ITGA4: variants seen among roughly 807,000 people sequenced by gnomAD.
ITGA4 encodes the protein integrin alpha-4.
ITGA4 carries 63 observed loss-of-function variants against 133.6 expected under a neutral mutation model. The ratio of observed to expected loss-of-function variants is 0.47; its 90% CI spans 0.38 to 0.58. The LOEUF is 0.58. Ranked by LOEUF, ITGA4 falls within the 20% of genes least tolerant of loss-of-function variation. ITGA4 has a pLI of 0.00. For synonymous variants in ITGA4, 483 were observed against 438.0 expected (o/e 1.10, Z -1.28); for missense variants, 1,076 against 1,252.7 (o/e 0.86, Z 2.13).
At chr2:181,493,078 G>A (rs1189326634) in intron 10 of ITGA4, 3 of 353,902 alleles carry the variant, frequency 8.5e-6, no homozygotes, top group East Asian at 5.8e-5. Flanking sequence ...TAGAGCCCGC[G>A]CTCTAATCAT....
At chr2:181,509,968 C>A (rs1000660673) in intron 16 of ITGA4, 161 bp downstream of exon 16, 2 of 563,780 alleles carry the variant, frequency 3.5e-6, no homozygotes, top group Non-Finnish European at 6.2e-6. Context: ...TGTTTATATT[C>A]CCTTTAGGAT....
chr2:181,467,646 G>A (rs1166129422), intron 2 of ITGA4, among the ~76,000 whole-genome samples: 3 of 152,100 alleles, frequency 2.0e-5, no homozygotes, highest in African/African-American at 7.2e-5. Context: ...AAAGTCGATT[G>A]TACAGTCTGT....
In ITGA4 at chr2:181,535,458, A is replaced by T. The variant is rs1417195713; in HGVS notation, c.3030A>T (p.Lys1010Asn). Reference sequence around the variant, plus strand: ...CTGGCTTCTTTAAAAGACAATACAAATCTATCCTACAAGAAGAAAACAGAA... The same window carrying T: ...CTGGCTTCTTTAAAAGACAATACAATTCTATCCTACAAGAAGAAAACAGAA... ...WKAGFFKRQY[K>N]SILQEENRRD... is the part of the protein sequence containing the mutation. The change falls in exon 28 of 28, where the codon AAA becomes AAT. Residue 1010 changes from lysine to asparagine, a missense_variant. By Grantham distance (94) the Lys-to-Asn change is moderately conservative. Coordinates refer to ENST00000397033, the MANE Select transcript of ITGA4 (RefSeq NM_000885.6). 6.2e-7 allele frequency: 1 copy of T among 1,609,726 alleles called. No individual in the cohort carries two copies. The highest frequency in any genetic ancestry group is 8.5e-7 in the Non-Finnish European group (1 of 1,177,744).
At chr2:181,493,126 T>G (rs943740635) in intron 10 of ITGA4, 199 bp from the exon 11 acceptor site, 12 of 460,328 alleles carry the variant, frequency 2.6e-5, no homozygotes, top group Admixed American at 1.2e-4. Flanking sequence ...CACTCTGCTT[T>G]CTTCCATGTG....
Position 181,509,804 on chromosome 2 carries a change from A to C in ITGA4, c.1842A>C (p.Lys614Asn). 1 of 1,601,544 alleles carries C rather than the reference A, an allele frequency of 6.2e-7. No individual in the cohort carries two copies. The highest frequency in any genetic ancestry group is 8.5e-7 in the Non-Finnish European group (1 of 1,173,496). The part of the protein sequence containing the change: ...QQKKEKDIMK[K>N]TINFARFCAH... Reference sequence around the variant, plus strand: ...AGAAAGAAAAAGACATAATGAAAAAAACAGTAGGAATATTTTCCTTTATTC... The same window carrying C: ...AGAAAGAAAAAGACATAATGAAAAACACAGTAGGAATATTTTCCTTTATTC... The change falls in exon 16 of 28, where the codon AAA becomes AAC. Residue 614 changes from lysine to asparagine, a missense_variant. By Grantham distance (94) the Lys-to-Asn change is moderately conservative (BLOSUM62 0). Around this residue, in one of 4 missense-constraint regions of ITGA4, gnomAD observed 365 missense variants for 421.4 expected, o/e 0.87. Transcript: ENST00000397033.
Position 181,537,060 on chromosome 2 carries a change from A to ACAAAACCTCCTGAAC in ITGA4, c.*1535_*1549dup, listed in dbSNP as rs1304942504. The ACAAAACCTCCTGAAC allele has an allele frequency of 2.2e-6, 1 of 444,984 alleles. No homozygotes were observed. The highest frequency in any genetic ancestry group is 7.0e-5 in the East Asian group (1 of 14,340). The allele number at this position is 444,984 out of a possible 1,614,324, so 27.6% of individuals were successfully genotyped here. On this transcript the variant is annotated 3_prime_UTR_variant, in exon 28 of 28. Coordinates refer to ENST00000397033, the MANE Select transcript of ITGA4 (RefSeq NM_000885.6). ...GGCATTTGAGTAGTGAAATGTAAGC[A>ACAAAACCTCCTGAAC]CAAAACCTCCTGAACCCAGAGTGTG... is the stretch of plus-strand genomic sequence containing the variant.
At chr2:181,501,816 G>A (rs1686278905) in intron 15 of ITGA4, among the ~76,000 whole-genome samples, 1 of 152,108 alleles carries the variant, frequency 6.6e-6, no homozygotes, top group Admixed American at 6.6e-5. Flanking sequence ...TGCTTAGCTA[G>A]AGAGACCTAT....
At chr2:181,482,787 G>A (rs930422762) in intron 9 of ITGA4, 136 bp downstream of exon 9, 2 of 718,348 alleles carry the variant, frequency 2.8e-6, no homozygotes, top group Non-Finnish European at 4.6e-6. Flanking sequence ...CTGTACTGAT[G>A]CTCTAAAAAT....
At chr2:181,476,835 G>C (rs1471898808) in intron 4 of ITGA4, among the ~76,000 whole-genome samples, 2 of 152,136 alleles carry the variant, frequency 1.3e-5, no homozygotes, top group African/African-American at 4.8e-5. Flanking sequence ...TATGGAGCTG[G>C]AGGCCAATAA....
chr2:181,505,415 A>G (rs2198730), intron 15 of ITGA4, among the ~76,000 whole-genome samples: 151,150 of 152,184 alleles, frequency 0.99, 75,077 homozygotes, highest in Middle Eastern at 1. Flanking sequence ...GAAGACAGAC[A>G]TTATGTAATT....
intron 6 of ITGA4, among the ~76,000 whole-genome samples, chr2:181,481,354 G>A (rs1182198919): frequency 6.6e-6 from 1 of 152,132 alleles, no homozygotes; most frequent in Non-Finnish European, 1.5e-5. Context: ...CAGATGTAAA[G>A]ATGCTATTTT....
intron 2 of ITGA4, among the ~76,000 whole-genome samples, chr2:181,462,350 C>A (rs1056090626): frequency 1.3e-5 from 2 of 152,126 alleles, no homozygotes; most frequent in Non-Finnish European, 2.9e-5. Flanking sequence ...CTTAGCCAGC[C>A]TCCTGGTTCA....
chr2:181,481,641 C>A lies in ITGA4; in HGVS notation c.798C>A (p.Thr266=). 6.3e-7 allele frequency: 1 copy of A among 1,598,352 alleles called. No individual in the cohort carries two copies. The highest frequency in any genetic ancestry group is 1.1e-5 in the South Asian group (1 of 89,928). ...GTCATTTTCGGAGCCAGCATACTACCGAAGTAGTCGGAGGAGCTCCTCAAC... is the reference window on the plus strand; with the variant it reads ...GTCATTTTCGGAGCCAGCATACTACAGAAGTAGTCGGAGGAGCTCCTCAAC... ...GAGHFRSQHT[T]EVVGGAPQHE... Residue 266 remains threonine, a synonymous_variant, in exon 7 of 28, where the codon ACC becomes ACA. Coordinates refer to ENST00000397033, the MANE Select transcript of ITGA4 (RefSeq NM_000885.6).
chr2:181,526,788 A>G (rs1686837214), intron 21 of ITGA4, among the ~76,000 whole-genome samples: 1 of 136,422 alleles, frequency 7.3e-6, no homozygotes, highest in Non-Finnish European at 1.6e-5. Flanking sequence ...TCGGTGAGGG[A>G]CAGATATTGT....
chr2:181,492,557 T>G (rs79020675), intron 10 of ITGA4, among the ~76,000 whole-genome samples: 6 of 4,602 alleles, frequency 1.3e-3, no homozygotes, highest in African/African-American at 2.4e-3. Flanking sequence ...AACTGTAGAA[T>G]ATTATTTTTC....
Position 181,494,713 on chromosome 2 carries a change from AT to A in ITGA4, c.1249-4del. The A allele has an allele frequency of 6.6e-7, 1 of 1,515,362 alleles. No individual in the cohort carries two copies. Among genetic ancestry groups the A allele is most frequent in the Non-Finnish European group, 9.2e-7 (1 of 1,090,492 alleles). The allele number at this position is 1,515,362 out of a possible 1,614,324, so 93.9% of individuals were successfully genotyped here. ...AAACTACTTCCCACTCAACTTTCCT[AT>A]TTTTCAGAGAATTGAAGGACTTCAG... On this transcript the variant is annotated splice_region_variant and splice_polypyrimidine_tract_variant and intron_variant, in intron 11 of 27. Coordinates refer to ENST00000397033, the MANE Select transcript of ITGA4 (RefSeq NM_000885.6).
At chr2:181,478,719 A>T in intron 4 of ITGA4, 38 bp from the exon 5 acceptor site, 1 of 887,976 alleles carries the variant, frequency 1.1e-6, no homozygotes, top group Non-Finnish European at 1.7e-6. Context: ...TTTTATCTTT[A>T]AGATAAAATT....
chr2:181,495,833 T>C lies in ITGA4; in HGVS notation c.1436T>C (p.Val479Ala), dbSNP rs747373756. 6.2e-7 allele frequency: 1 copy of C among 1,613,968 alleles called. No homozygotes were observed. The highest frequency in any genetic ancestry group is 8.5e-7 in the Non-Finnish European group (1 of 1,179,838). Reference sequence around the variant, plus strand: ...GCTTCTTTAAGCCACCCTGAGTCAGTAAATAGAACGAAATTTGACTGTGTT... The same window carrying C: ...GCTTCTTTAAGCCACCCTGAGTCAGCAAATAGAACGAAATTTGACTGTGTT... ...VDASLSHPESVNRTKFDCVEN... is the reference protein window; with the variant it reads ...VDASLSHPESANRTKFDCVEN... The change falls in exon 14 of 28, where the codon GTA becomes GCA. Residue 479 changes from valine to alanine, a missense_variant. Physicochemically the swap from Val to Ala is moderately conservative, Grantham distance 64. This residue lies in a region of ITGA4 where 436 missense variants were observed against 590.7 expected (regional missense o/e 0.74). Transcript: ENST00000397033. This position sits in a 1 kb window ranked among gnomAD's most constrained non-coding sequence, Gnocchi z 4.3.
At chr2:181,489,862 C>G (rs1201569527) in intron 10 of ITGA4, among the ~76,000 whole-genome samples, 1 of 152,154 alleles carries the variant, frequency 6.6e-6, no homozygotes, top group Non-Finnish European at 1.5e-5. Flanking sequence ...GAGCCACAGA[C>G]AAAACTCTTC....
Sources: gnomAD v4.1 joint callset for allele counts (sites outside exome capture counted in the v4.1 genomes callset) on GRCh38, gnomAD v4.1.1 for gene constraint, gnomAD v4.1.1 regional missense constraint, Gnocchi (gnomAD v3.1) non-coding constraint, MANE v1.5 for transcripts, NCBI Gene and HGNC (gene_info 2026-07-23, HGNC 2026-07-21) for gene names.